UBE4B: variants seen among roughly 807,000 people sequenced by gnomAD.
The protein encoded by UBE4B is ubiquitination factor E4B.
Under a neutral mutation model 148.1 loss-of-function variants are expected in UBE4B, and 27 were observed. The observed-to-expected ratio is 0.18, with a 90% CI of 0.13 to 0.25. The LOEUF (loss-of-function observed/expected upper bound fraction) is 0.25. UBE4B is among the 10% of genes least tolerant of loss of function. UBE4B has a pLI of 1.00. For synonymous variants in UBE4B, 596 were observed against 619.3 expected, an observed-to-expected ratio of 0.96 and a Z score of 0.56; for missense variants, 1,170 against 1,662.4, an observed-to-expected ratio of 0.70 and a Z score of 5.15.
intron 14 of UBE4B, among the ~76,000 whole-genome samples, chr1:10,131,966 A>G (rs1198305177): frequency 6.6e-6 from 1 of 151,706 alleles, no homozygotes; most frequent in African/African-American, 2.4e-5. Flanking sequence ...AAAAAAAACA[A>G]CAAAAATGCA....
chr1:10,121,956 C>T lies in UBE4B; in HGVS notation c.1440-6C>T. 6.2e-7 allele frequency: 1 copy of T among 1,605,680 alleles called. No homozygotes were observed. Among genetic ancestry groups the T allele is most frequent in the Non-Finnish European group, 8.5e-7 (1 of 1,173,616 alleles). ...ATCACCGTCCCTAATGTTCATGGGT[C>T]CACAGGTCCTTGCAGCAGCCGTCCT... On this transcript the variant is annotated splice_polypyrimidine_tract_variant and splice_region_variant and intron_variant, in intron 9 of 27. Transcript: ENST00000343090.
rs564713816 is a variant in UBE4B at position 10,090,233 on chromosome 1, C to G, written c.212-5228C>G. 1.7e-3 allele frequency among the ~76,000 whole-genome samples: 254 copies of G among 152,194 alleles called. 1 individual carries two copies. The highest frequency in any genetic ancestry group is 5.5e-3 in the African/African-American group (227 of 41,544). On this transcript the variant is annotated intron_variant, in intron 2 of 27. Transcript: ENST00000343090. ...CTCCTGGGCTCAGGTGACCCACCCC[C>G]CTCAGCTTCCTGAGTAGGTGGGACT... is the stretch of plus-strand genomic sequence containing the variant.
chr1:10,139,717 T>C (rs1645755439), intron 17 of UBE4B, among the ~76,000 whole-genome samples: 1 of 152,192 alleles, frequency 6.6e-6, no homozygotes, highest in Non-Finnish European at 1.5e-5. Flanking sequence ...TGCTTTTATT[T>C]ATTTATTTTA....
At position 10,035,013 on chromosome 1, in the gene UBE4B, T is replaced by G. The variant is rs141992045; in HGVS notation, c.24+1319T>G. Among the ~76,000 whole-genome samples, 1,300 of 152,298 alleles carry G rather than the reference T, an allele frequency of 8.5e-3. 22 individuals carry two copies. The highest frequency in any genetic ancestry group is 0.029 in the African/African-American group (1,194 of 41,566). On this transcript the variant is annotated intron_variant, in intron 1 of 27. Transcript: ENST00000343090. ...TGGGTTTTTTTTTGTTTGTTTGTTT[T>G]TTTGAGACGGAGTCTTGCTCTGTCG...
chr1:10,115,112 A>G (rs1344624487), intron 7 of UBE4B, among the ~76,000 whole-genome samples: 3 of 151,542 alleles, frequency 2.0e-5, no homozygotes, highest in Non-Finnish European at 4.4e-5. Context: ...GAACGCCTTG[A>G]ATTTCAAAGT....
chr1:10,052,216 G>A (rs573256132), intron 1 of UBE4B, among the ~76,000 whole-genome samples: 1 of 151,876 alleles, frequency 6.6e-6, no homozygotes, highest in Admixed American at 6.6e-5. Context: ...ATAGGTGCAT[G>A]CCACCATACC....
intron 17 of UBE4B, among the ~76,000 whole-genome samples, chr1:10,139,232 C>CTAAAAA (rs369621515): frequency 0.017 from 2,621 of 152,180 alleles, 34 homozygotes; most frequent in Non-Finnish European, 0.027. Flanking sequence ...CCCGTCTCTA[C>CTAAAAA]TACAAAAATT....
At chr1:10,085,690 A>T (rs966427323) in intron 2 of UBE4B, among the ~76,000 whole-genome samples, 2 of 152,206 alleles carry the variant, frequency 1.3e-5, no homozygotes, top group Non-Finnish European at 2.9e-5. Context: ...TTTACAGAGA[A>T]ACTGAGGTAG....
At chr1:10,086,081 C>T (rs1644761496) in intron 2 of UBE4B, among the ~76,000 whole-genome samples, 1 of 152,156 alleles carries the variant, frequency 6.6e-6, no homozygotes, top group Non-Finnish European at 1.5e-5. Flanking sequence ...ACGCCATTCT[C>T]CTGCTTCAGC....
chr1:10,129,050 A>G (rs1371634203), intron 11 of UBE4B: 1 of 200,960 alleles, frequency 5.0e-6, no homozygotes, highest in East Asian at 1.1e-4. Flanking sequence ...AAAGATATGA[A>G]GTGGAAAAAC....
At chr1:10,064,736 C>G (rs1413183665) in intron 1 of UBE4B, among the ~76,000 whole-genome samples, 2 of 151,276 alleles carry the variant, frequency 1.3e-5, no homozygotes, top group Non-Finnish European at 2.9e-5. Context: ...GCTGGTGGGT[C>G]TAACTTTTCC....
In UBE4B at chr1:10,072,225, G is replaced by A. The variant is rs1057063958; in HGVS notation, c.211+11G>A. The A allele has an allele frequency of 1.2e-6, 2 of 1,605,430 alleles. No individual in the cohort carries two copies. Among genetic ancestry groups the A allele is most frequent in the African/African-American group, 2.7e-5 (2 of 74,346 alleles). ...CAATAGGTGCATCAGGTAAGCCCAA[G>A]CTTCATACCTGGGACTCTTTTGTAA... On this transcript the variant is annotated intron_variant, in intron 2 of 27. Transcript: ENST00000343090.
intron 10 of UBE4B, 136 bp downstream of exon 10, chr1:10,122,212 T>C (rs1645422608): frequency 3.6e-6 from 2 of 551,454 alleles, no homozygotes; most frequent in Non-Finnish European, 6.5e-6. Flanking sequence ...CCCAATATTC[T>C]TTTGAGGAAA....
At chr1:10,127,405 A>C (rs1475424724) in intron 11 of UBE4B, among the ~76,000 whole-genome samples, 1 of 152,214 alleles carries the variant, frequency 6.6e-6, no homozygotes, top group African/African-American at 2.4e-5. Context: ...TAGAGCAGGC[A>C]TACATTGTGG....
intron 1 of UBE4B, among the ~76,000 whole-genome samples, chr1:10,040,526 C>T (rs969180338): frequency 6.6e-6 from 1 of 152,116 alleles, no homozygotes; most frequent in Non-Finnish European, 1.5e-5. Context: ...GCTGAGATTG[C>T]AAGTTTAATT....
chr1:10,080,605 T>C (rs79966104), intron 2 of UBE4B, among the ~76,000 whole-genome samples: 52,533 of 151,806 alleles, frequency 0.35, 14,060 homozygotes, highest in African/African-American at 0.75. Flanking sequence ...GAGATACCTC[T>C]ACTCATGTTC....
intron 16 of UBE4B, 50 bp from the exon 17 acceptor site, chr1:10,137,017 A>C: frequency 6.2e-7 from 1 of 1,602,190 alleles, no homozygotes; most frequent in Non-Finnish European, 8.5e-7. Flanking sequence ...TTTTTCTCTG[A>C]TTGAGACATG....
chr1:10,180,126 A>G lies in UBE4B; in HGVS notation c.*170A>G. On this transcript the variant is annotated 3_prime_UTR_variant, in exon 28 of 28. Coordinates refer to ENST00000343090, the MANE Select transcript of UBE4B (RefSeq NM_001105562.3). ...GAGACCTGAAAGGACATGGATGAGA[A>G]GAGGAGCCCGCTTCCTGTACATATA... 1 of 693,054 alleles carries G rather than the reference A, an allele frequency of 1.4e-6. No homozygotes were observed. Among genetic ancestry groups the G allele is most frequent in the Non-Finnish European group, 2.4e-6 (1 of 411,182 alleles). The allele number at this position is 693,054 out of a possible 1,614,324, so 42.9% of individuals were successfully genotyped here. A position where few individuals can be genotyped will look rare whatever the true frequency, so the allele number is the denominator to read the frequency against.
chr1:10,044,353 C>A (rs1469614518), intron 1 of UBE4B, among the ~76,000 whole-genome samples: 1 of 152,012 alleles, frequency 6.6e-6, no homozygotes, highest in Admixed American at 6.6e-5. Flanking sequence ...CCGCGCCTGG[C>A]CCAGTTCCAT....
Sources: allele counts gnomAD v4.1 joint callset (sites outside exome capture counted in the v4.1 genomes callset), GRCh38; gene constraint gnomAD v4.1.1; transcripts MANE v1.5; gene names NCBI Gene and HGNC (gene_info 2026-07-23, HGNC 2026-07-21).